The following RAPGEF6 variants were observed in gnomAD, a reference collection of about 807,000 sequenced individuals.
RAPGEF6 encodes Rap guanine nucleotide exchange factor 6, also known as PDZ domain containing guanine nucleotide exchange factor (GEF) 2.
A neutral mutation model predicts 171.4 loss-of-function variants in RAPGEF6; 56 were observed. That is an observed-to-expected ratio of 0.33 (90% CI 0.26 to 0.41). The LOEUF (loss-of-function observed/expected upper bound fraction) is 0.41, where lower values mean the gene tolerates loss of function less well. Among genes scored for constraint, RAPGEF6 ranks in the 10% least tolerant of loss-of-function variants. RAPGEF6 has a pLI of 1.00. For synonymous variants in RAPGEF6, 692 were observed against 650.1 expected (o/e 1.06, Z -0.98); for missense variants, 1,674 against 1,921.4 (o/e 0.87, Z 2.41).
intron 17 of RAPGEF6, among the ~76,000 whole-genome samples, chr5:131,468,350 A>AG (rs1409608216): frequency 6.6e-6 from 1 of 150,978 alleles, no homozygotes; most frequent in Non-Finnish European, 1.5e-5. Context: ...AAAAAAAAAA[A>AG]AAAATCTTGG....
Position 131,498,556 on chromosome 5 carries a change from C to A in RAPGEF6, c.1306G>T (p.Asp436Tyr). The A allele has an allele frequency of 6.2e-7, 1 of 1,613,742 alleles. No homozygotes were observed. Among genetic ancestry groups the A allele is most frequent in the Non-Finnish European group, 8.5e-7 (1 of 1,179,824 alleles). The stretch of plus-strand genomic sequence containing the variant: ...AGAAAATCTTCTATATAAGTTGGAT[C>A]CACGATGGAATGTTCTTCTATTAAA... ...MHLIEEHSIVDPTYIEDFLLT... is the reference protein window; with the variant it reads ...MHLIEEHSIVYPTYIEDFLLT... Residue 436 changes from aspartate to tyrosine, a missense_variant, in exon 12 of 28, where the codon GAT (aspartate) becomes TAT (tyrosine). Transcript: ENST00000509018.
intron 24 of RAPGEF6, among the ~76,000 whole-genome samples, chr5:131,437,011 A>G (rs914870916): frequency 2.6e-5 from 4 of 152,206 alleles, no homozygotes; most frequent in Non-Finnish European, 4.4e-5. Flanking sequence ...CAGATCTCCA[A>G]GTTTAATAAG....
At chr5:131,451,336 C>A (rs1490139155) in intron 21 of RAPGEF6, among the ~76,000 whole-genome samples, 1 of 151,904 alleles carries the variant, frequency 6.6e-6, no homozygotes. Flanking sequence ...GTAATCCCAG[C>A]ACTTTGGCAG....
intron 15 of RAPGEF6, among the ~76,000 whole-genome samples, chr5:131,481,678 G>C (rs531548569): frequency 1.3e-4 from 20 of 152,136 alleles, no homozygotes; most frequent in Admixed American, 3.3e-4. Context: ...ATCTCCTTGG[G>C]ATAAAGCAAA....
intron 11 of RAPGEF6, among the ~76,000 whole-genome samples, chr5:131,502,918 C>A (rs1031134746): frequency 6.6e-6 from 1 of 152,184 alleles, no homozygotes; most frequent in Admixed American, 6.5e-5. Flanking sequence ...CCTGCTTCAG[C>A]CTCCCGAGTA....
chr5:131,477,812 T>G (rs1268905305), intron 16 of RAPGEF6, among the ~76,000 whole-genome samples: 2 of 152,124 alleles, frequency 1.3e-5, no homozygotes, highest in Non-Finnish European at 2.9e-5. Context: ...CAAAACCCAT[T>G]AAGGCTTCTG....
At chr5:131,451,632 T>TA (rs967263604) in intron 21 of RAPGEF6, among the ~76,000 whole-genome samples, 13 of 150,544 alleles carry the variant, frequency 8.6e-5, no homozygotes, top group South Asian at 2.1e-4. Flanking sequence ...AGAAAACAAA[T>TA]AAAAAAAAAC....
In RAPGEF6 at chr5:131,479,583, C is replaced by T; in HGVS notation, c.2011G>A (p.Gly671Ser). 6.2e-7 allele frequency: 1 copy of T among 1,613,908 alleles called. No homozygotes were observed. The highest frequency in any genetic ancestry group is 8.5e-7 in the Non-Finnish European group (1 of 1,179,914). ...ATCTTCCTGATTTTGTTTCTTCCAC[C>T]TGAAACAGTATTTGCTTTAACTTTC... ...SKKVKANTVS[G>S]GRNKIRKILD... The change falls in exon 16 of 28, where the codon GGT (glycine) becomes AGT (serine). Residue 671 changes from glycine (G) to serine (S), a missense_variant. Gly to Ser is a moderately conservative substitution (Grantham distance 56). This residue lies in a region of RAPGEF6 where 1,116 missense variants were observed against 1,321.5 expected (regional missense o/e 0.84). Coordinates refer to ENST00000509018, the MANE Select transcript of RAPGEF6 (RefSeq NM_016340.6).
At position 131,528,313 on chromosome 5, in the gene RAPGEF6, T is replaced by TTATA. The variant is rs71590767; in HGVS notation, c.496-6796_496-6793dup. 5.8e-3 allele frequency among the ~76,000 whole-genome samples: 282 copies of TTATA among 48,818 alleles called. 7 individuals carry two copies. Among genetic ancestry groups the TTATA allele is most frequent in the African/African-American group, 0.017 (241 of 13,942 alleles). 32.0% of individuals were successfully genotyped at this position (48,818 alleles called of 152,430 possible). ...AATAAAATAAAATAATATATTTATA[T>TTATA]TATATATATATATATATATATATAT... On this transcript the variant is annotated intron_variant, in intron 6 of 27. Transcript: ENST00000509018.
chr5:131,462,216 G>C (rs1753984041), intron 18 of RAPGEF6, 128 bp from the exon 19 acceptor site: 2 of 826,710 alleles, frequency 2.4e-6, no homozygotes, highest in African/African-American at 1.8e-5. Context: ...TTAATTTACA[G>C]ATAAAATGAA....
At chr5:131,474,109 TTG>T (rs773232428) in intron 16 of RAPGEF6, among the ~76,000 whole-genome samples, 2 of 152,140 alleles carry the variant, frequency 1.3e-5, no homozygotes, top group East Asian at 3.8e-4. Context: ...TAGGCGAATG[TTG>T]TGGTGTAAAG....
chr5:131,627,776 T>A (rs1177801165), intron 1 of RAPGEF6, among the ~76,000 whole-genome samples: 1 of 152,156 alleles, frequency 6.6e-6, no homozygotes, highest in Non-Finnish European at 1.5e-5. Flanking sequence ...ATCAAGCAAG[T>A]CCAACAGCAC....
intron 6 of RAPGEF6, among the ~76,000 whole-genome samples, chr5:131,540,658 A>G (rs1192618806): frequency 2.0e-5 from 3 of 152,232 alleles, no homozygotes; most frequent in African/African-American, 7.2e-5. Context: ...AAACACCAAC[A>G]AAGTTTTTTA....
chr5:131,429,544 G>T (rs1319187130), intron 26 of RAPGEF6, among the ~76,000 whole-genome samples: 1 of 152,062 alleles, frequency 6.6e-6, no homozygotes, highest in African/African-American at 2.4e-5. Context: ...CAGCCCTAAA[G>T]ATATCAGAAA....
chr5:131,579,999 G>A (rs529496288), intron 4 of RAPGEF6, among the ~76,000 whole-genome samples: 17 of 152,346 alleles, frequency 1.1e-4, no homozygotes, highest in African/African-American at 3.1e-4. Flanking sequence ...CCAGGGCTGC[G>A]GGCAGAGCTG....
chr5:131,467,820 C>T (rs1430059594), intron 17 of RAPGEF6, among the ~76,000 whole-genome samples: 2 of 151,868 alleles, frequency 1.3e-5, no homozygotes, highest in Non-Finnish European at 2.9e-5. Flanking sequence ...CCACTTGAGC[C>T]CAGGAGATCA....
rs1756799263 is a variant in RAPGEF6, at chr5:131,498,613, A to T, written c.1255-6T>A. 6.2e-7 allele frequency: 1 copy of T among 1,611,168 alleles called. No individual in the cohort carries two copies. ...ATGAGACGCTCAGGTGTTGCCTAAA[A>T]ATCCAAGGATAGGAAGGATTAGAAA... On this transcript the variant is annotated splice_region_variant and splice_polypyrimidine_tract_variant and intron_variant, in intron 11 of 27. Coordinates refer to ENST00000509018, the MANE Select transcript of RAPGEF6 (RefSeq NM_016340.6).
intron 23 of RAPGEF6, 115 bp downstream of exon 23, chr5:131,442,234 G>A (rs542809881): frequency 9.0e-6 from 9 of 996,276 alleles, no homozygotes; most frequent in Middle Eastern, 2.7e-4. Context: ...ATAAAGTGAC[G>A]ATTATATTAC....
Position 131,510,425 on chromosome 5 carries a change from C to T in RAPGEF6, c.694G>A (p.Asp232Asn), listed in dbSNP as rs749052314. The T allele has an allele frequency of 3.1e-6, 5 of 1,614,010 alleles. No homozygotes were observed. In the African/African-American group the frequency reaches 5.3e-5, roughly 17 times the overall value. Residue 232 changes from aspartate (D) to asparagine (N), a missense_variant, in exon 8 of 28, where the codon GAT becomes AAT. Asp to Asn is a conservative substitution (Grantham distance 23). Coordinates refer to ENST00000509018, the MANE Select transcript of RAPGEF6 (RefSeq NM_016340.6). ...ATCTCTTCATCTTCCTCTTCGTCAT[C>T]CTCAGAATCAACAGGTCCTTCTGGA... Reference protein sequence around the residue: ...RLPEGPVDSEDDEEEDEEIDR... With the variant: ...RLPEGPVDSENDEEEDEEIDR...
Sources: gnomAD v4.1 joint callset for allele counts (sites outside exome capture counted in the v4.1 genomes callset) on GRCh38, gnomAD v4.1.1 for gene constraint, gnomAD v4.1.1 regional missense constraint, MANE v1.5 for transcripts, NCBI Gene and HGNC (gene_info 2026-07-23, HGNC 2026-07-21) for gene names.